The following PAXIP1 variants were observed in gnomAD, a reference collection of about 807,000 sequenced individuals.
PAXIP1 encodes PAX interacting protein 1.
A neutral mutation model predicts 140.6 loss-of-function variants in PAXIP1; 19 were observed. The observed-to-expected ratio is 0.14, with a 90% CI of 0.09 to 0.20. PAXIP1 has a LOEUF of 0.20. Ranked by LOEUF, PAXIP1 falls within the 10% of genes least tolerant of loss-of-function variation. The pLI is 1.00. For missense variants in PAXIP1, 920 were observed against 1,208.6 expected (o/e 0.76, Z 3.54); for synonymous variants, 442 against 444.6 (o/e 0.99, Z 0.07).
intron 20 of PAXIP1, chr7:154,945,478 C>T: frequency 1.0e-6 from 1 of 979,996 alleles, no homozygotes. Flanking sequence ...GAAAAAAAAA[C>T]TCGGCAAGGA....
At chr7:154,988,122 C>T (rs544515061) in intron 4 of PAXIP1, among the ~76,000 whole-genome samples, 1 of 152,356 alleles carries the variant, frequency 6.6e-6, no homozygotes, top group East Asian at 1.9e-4. Flanking sequence ...ATCCATCTAC[C>T]TGCCTGACCA....
intron 4 of PAXIP1, 199 bp from the exon 5 acceptor site, chr7:154,983,531 CAT>C (rs1318720652): frequency 2.4e-6 from 1 of 425,402 alleles, no homozygotes; most frequent in African/African-American, 2.1e-5. Flanking sequence ...AATAGTTTTA[CAT>C]ATATGAATTA....
intron 4 of PAXIP1, among the ~76,000 whole-genome samples, chr7:154,984,277 A>T (rs1809967173): frequency 6.6e-6 from 1 of 152,372 alleles, no homozygotes; most frequent in South Asian, 2.1e-4. Context: ...TAGAGTCTGA[A>T]AAGCAAAAGA....
rs548442821 is a variant in PAXIP1, at chr7:154,993,651, C to T, written c.260+75G>A. Reference sequence around the variant, plus strand: ...TAACGAATGAATCCACTTTTCACTCCATTAACTATCATTTCTTTCAGTCTT... The same window carrying T: ...TAACGAATGAATCCACTTTTCACTCTATTAACTATCATTTCTTTCAGTCTT... On this transcript the variant is annotated intron_variant, in intron 3 of 20. Transcript: ENST00000404141. The T allele has an allele frequency of 3.8e-5, 41 of 1,090,180 alleles. No homozygotes were observed. In the East Asian group the frequency reaches 5.4e-4, roughly 14 times the overall value. 67.5% of individuals were successfully genotyped at this position (1,090,180 alleles called of 1,614,324 possible). A position where few individuals can be genotyped will look rare whatever the true frequency, so the allele number is the denominator to read the frequency against.
intron 5 of PAXIP1, among the ~76,000 whole-genome samples, chr7:154,977,797 T>C (rs937342526): frequency 6.6e-6 from 1 of 152,230 alleles, no homozygotes; most frequent in Non-Finnish European, 1.5e-5. Context: ...ATAGTCATAG[T>C]GAACAAATAC....
chr7:154,959,796 ACT>A, intron 13 of PAXIP1, 92 bp downstream of exon 13: 1 of 826,308 alleles, frequency 1.2e-6, no homozygotes, highest in Non-Finnish European at 2.0e-6. Flanking sequence ...TTGACAAGTT[ACT>A]AAAATAATTT....
rs1472796666 is a variant in PAXIP1 at position 154,954,416 on chromosome 7, T to C, written c.2660A>G (p.Tyr887Cys). 1.9e-6 allele frequency: 3 copies of C among 1,542,220 alleles called. No individual in the cohort carries two copies. The highest frequency in any genetic ancestry group is 2.3e-5 in the East Asian group (1 of 42,968). ...CTCCGCAACCTCTCCACCAAGAATG[T>C]AGAGCTTCTAAAGGTCACAAACACA... ...VQVQQYIKKL[Y>C]ILGGEVAESA... is the part of the protein sequence containing the mutation. Residue 887 changes from tyrosine to cysteine, a missense_variant, in exon 16 of 21, where the codon TAC (tyrosine) becomes TGC (cysteine). Around this residue, in one of 5 missense-constraint regions of PAXIP1, gnomAD observed 303 missense variants for 517.9 expected, o/e 0.59. Coordinates refer to ENST00000404141, the MANE Select transcript of PAXIP1 (RefSeq NM_007349.4). This position sits in a 1 kb window ranked among gnomAD's most constrained non-coding sequence, Gnocchi z 5.1.
At chr7:154,988,054 A>G (rs912162995) in intron 4 of PAXIP1, among the ~76,000 whole-genome samples, 3 of 152,260 alleles carry the variant, frequency 2.0e-5, no homozygotes, top group African/African-American at 2.4e-5. Context: ...GTGATGAAGC[A>G]TCCTGCTACC....
In PAXIP1 at chr7:154,993,738, C is replaced by T; in HGVS notation, c.248G>A (p.Gly83Glu). The T allele has an allele frequency of 6.3e-7, 1 of 1,593,048 alleles. No homozygotes were observed. Among genetic ancestry groups the T allele is most frequent in the Non-Finnish European group, 8.5e-7 (1 of 1,170,096 alleles). ...AAAAAAAGGATACGGCAGAAGAGTT[C>T]CACACTGAACGGACAGAATCACCCA... ...PSWVILSVQC[G>E]TLLPVNGFSP... Residue 83 changes from glycine (G) to glutamate (E), a missense_variant, in exon 3 of 21, where the codon GGA becomes GAA. Coordinates refer to ENST00000404141, the MANE Select transcript of PAXIP1 (RefSeq NM_007349.4).
At chr7:154,975,565 G>T in intron 6 of PAXIP1, 131 bp downstream of exon 6, 1 of 622,798 alleles carries the variant, frequency 1.6e-6, no homozygotes, top group Non-Finnish European at 2.8e-6. Flanking sequence ...CAAGTAAACA[G>T]GTTCTCACAC....
intron 4 of PAXIP1, among the ~76,000 whole-genome samples, chr7:154,988,769 G>A (rs920860285): frequency 6.6e-6 from 1 of 152,028 alleles, no homozygotes; most frequent in South Asian, 2.1e-4. Context: ...CTGGATAGTC[G>A]GCTCTGAGTC....
chr7:154,968,982 C>T lies in PAXIP1; in HGVS notation c.1219G>A (p.Ala407Thr). 6.7e-7 allele frequency: 1 copy of T among 1,502,012 alleles called. No homozygotes were observed. The allele number at this position is 1,502,012 out of a possible 1,614,324, so 93.0% of individuals were successfully genotyped here. The stretch of plus-strand genomic sequence containing the variant: ...GGGTGCTGCTGCTGCTGCTGCTGGG[C>T]CTGCTGCTGCTGCTGTAGCATGTGT... ...ETHMLQQQQQ[A>T]QQQQQQHPVL... Residue 407 changes from alanine (A) to threonine (T), a missense_variant, in exon 7 of 21, where the codon GCC becomes ACC. By Grantham distance (58) the Ala-to-Thr change is moderately conservative. Coordinates refer to ENST00000404141, the MANE Select transcript of PAXIP1 (RefSeq NM_007349.4).
At chr7:154,989,627 A>T (rs925157839) in intron 4 of PAXIP1, among the ~76,000 whole-genome samples, 1 of 152,210 alleles carries the variant, frequency 6.6e-6, no homozygotes, top group African/African-American at 2.4e-5. Context: ...ATTTTTTTCT[A>T]ATAGTTTTTA....
At chr7:154,948,130 G>A (rs902966086) in intron 16 of PAXIP1, 127 bp from the exon 17 acceptor site, 4 of 693,190 alleles carry the variant, frequency 5.8e-6, no homozygotes, top group South Asian at 3.2e-5. Context: ...TACAGCCTTC[G>A]GATATTTAAA....
chr7:154,957,513 T>C (rs944951843), intron 13 of PAXIP1, among the ~76,000 whole-genome samples: 1 of 152,224 alleles, frequency 6.6e-6, no homozygotes, highest in African/African-American at 2.4e-5. Context: ...TGTATCGTTT[T>C]TTTGTTCTTT....
intron 1 of PAXIP1, among the ~76,000 whole-genome samples, chr7:155,002,380 C>T (rs972182304): frequency 6.6e-6 from 1 of 152,112 alleles, no homozygotes; most frequent in Non-Finnish European, 1.5e-5. Context: ...CGGCCACGAC[C>T]CCCGCCGGCC....
At chr7:154,958,908 C>T (rs945289325) in intron 13 of PAXIP1, among the ~76,000 whole-genome samples, 6 of 152,184 alleles carry the variant, frequency 3.9e-5, no homozygotes, top group Admixed American at 2.0e-4. Context: ...TGTGTCAAAA[C>T]TGGTCATGTC....
rs1449870671 is a variant in PAXIP1, at chr7:154,961,571, A to G, written c.2205T>C (p.Tyr735=). The part of the protein sequence containing the change: ...KLMAYLAGAK[Y]TGYLCRSNTV... Reference sequence around the variant, plus strand: ...TGTTGCTGCGGCATAGATAACCCGTATATTTGGCACCTGCCAAATAAGCCA... The same window carrying G: ...TGTTGCTGCGGCATAGATAACCCGTGTATTTGGCACCTGCCAAATAAGCCA... Residue 735 remains tyrosine (Y), a synonymous_variant, in exon 11 of 21, where the codon TAT becomes TAC. Transcript: ENST00000404141. 1.0e-5 allele frequency: 16 copies of G among 1,607,698 alleles called. No individual in the cohort carries two copies. Among genetic ancestry groups the G allele is most frequent in the South Asian group, 2.2e-5 (2 of 89,764 alleles).
In PAXIP1 at chr7:155,002,954, G is replaced by T. The variant is rs774603138; in HGVS notation, c.-25C>A. ...TGATCGCGGCGGCCCGGGAGGCTCC[G>T]CGGCGGCGCCCGGCCCCGCCCACCC... On this transcript the variant is annotated 5_prime_UTR_variant, in exon 1 of 21. Coordinates refer to ENST00000404141, the MANE Select transcript of PAXIP1 (RefSeq NM_007349.4). 3 of 1,171,140 alleles carry T rather than the reference G, an allele frequency of 2.6e-6. No individual in the cohort carries two copies. In the South Asian group the frequency reaches 6.9e-5, roughly 27 times the overall value. The allele number at this position is 1,171,140 out of a possible 1,614,324, so 72.5% of individuals were successfully genotyped here.
Sources: gnomAD v4.1 joint callset for allele counts (sites outside exome capture counted in the v4.1 genomes callset) on GRCh38, gnomAD v4.1.1 for gene constraint, gnomAD v4.1.1 regional missense constraint, Gnocchi (gnomAD v3.1) non-coding constraint, MANE v1.5 for transcripts, NCBI Gene and HGNC (gene_info 2026-07-23, HGNC 2026-07-21) for gene names.